The following UHRF1 variants were observed in gnomAD, a reference collection of about 807,000 sequenced individuals.
UHRF1 encodes ubiquitin like with PHD and ring finger domains 1.
UHRF1 carries 9 observed loss-of-function variants against 96.5 expected under a neutral mutation model. The observed-to-expected ratio is 0.09, with a 90% CI of 0.06 to 0.16. The LOEUF (loss-of-function observed/expected upper bound fraction) is 0.16. Among genes scored for constraint, UHRF1 ranks in the 10% least tolerant of loss-of-function variants. The pLI, the probability that UHRF1 is intolerant of heterozygous loss-of-function variation, is 1.00. For synonymous variants in UHRF1, 455 were observed against 469.9 expected, an observed-to-expected ratio of 0.97 and a Z score of 0.41; for missense variants, 626 against 1,131.1, an observed-to-expected ratio of 0.55 and a Z score of 6.40.
intron 16 of UHRF1, among the ~76,000 whole-genome samples, chr19:4,959,457 GC>G (rs1262019583): frequency 3.9e-5 from 6 of 152,206 alleles, no homozygotes; most frequent in African/African-American, 1.4e-4. Flanking sequence ...GCAGACATGT[GC>G]CCCCTGCGTA....
chr19:4,933,106 T>A, intron 5 of UHRF1, 150 bp downstream of exon 5: 1 of 850,040 alleles, frequency 1.2e-6, no homozygotes, highest in African/African-American at 1.7e-5. Flanking sequence ...CTGGGGTCTG[T>A]TCCTGCTCAC....
chr19:4,952,903 T>TG (rs1474537332), intron 13 of UHRF1, among the ~76,000 whole-genome samples: 1 of 152,092 alleles, frequency 6.6e-6, no homozygotes, highest in African/African-American at 2.4e-5. Flanking sequence ...GTGAAGTTTC[T>TG]GGGGAAACAG....
intron 16 of UHRF1, among the ~76,000 whole-genome samples, chr19:4,959,964 C>G (rs1406206578): frequency 6.6e-6 from 1 of 152,202 alleles, no homozygotes; most frequent in African/African-American, 2.4e-5. Flanking sequence ...GGGTTCAAGC[C>G]ATTCTCTTGC....
chr19:4,913,737 C>G (rs1271080374), intron 2 of UHRF1, among the ~76,000 whole-genome samples: 1 of 151,206 alleles, frequency 6.6e-6, no homozygotes, highest in Non-Finnish European at 1.5e-5. Flanking sequence ...TGAAAAGATT[C>G]AGTGTTCCTG....
chr19:4,926,560 C>T (rs1448468204), intron 2 of UHRF1, among the ~76,000 whole-genome samples: 1 of 152,002 alleles, frequency 6.6e-6, no homozygotes, highest in Admixed American at 6.6e-5. Context: ...CTTGCTTGAG[C>T]CCCGGAGTTC....
chr19:4,928,602 G>A (rs778055543), intron 2 of UHRF1, among the ~76,000 whole-genome samples: 4 of 152,206 alleles, frequency 2.6e-5, no homozygotes, highest in East Asian at 1.9e-4. Context: ...CGAGATTGGC[G>A]CTGGAGCCTT....
chr19:4,943,194 C>T (rs147225094), intron 7 of UHRF1, among the ~76,000 whole-genome samples: 10 of 152,090 alleles, frequency 6.6e-5, no homozygotes, highest in African/African-American at 1.7e-4. Context: ...GAACTGAGAT[C>T]GCGCCACTGC....
At chr19:4,916,834 C>G (rs568905214) in intron 2 of UHRF1, among the ~76,000 whole-genome samples, 4 of 152,354 alleles carry the variant, frequency 2.6e-5, no homozygotes, top group Non-Finnish European at 4.4e-5. Flanking sequence ...TCCTTCCCCC[C>G]AGGTCCCGTC....
chr19:4,948,120 A>AAAC (rs2033622479), intron 11 of UHRF1, among the ~76,000 whole-genome samples: 1 of 148,494 alleles, frequency 6.7e-6, no homozygotes, highest in African/African-American at 2.5e-5. Context: ...AAAAAAAAAA[A>AAAC]CCCCTCCAAA....
intron 3 of UHRF1, 150 bp downstream of exon 3, chr19:4,929,626 C>A: frequency 8.9e-7 from 1 of 1,122,474 alleles, no homozygotes; most frequent in South Asian, 1.6e-5. Flanking sequence ...CCTGCACGTT[C>A]CTTGAGGGGA....
At chr19:4,957,297 GTTTTTTT>G (rs59654364) in intron 16 of UHRF1, among the ~76,000 whole-genome samples, 1 of 51,034 alleles carries the variant, frequency 2.0e-5, no homozygotes, top group Non-Finnish European at 3.6e-5. Context: ...CCAGCTGATG[GTTTTTTT>G]TTTTTTTTTT....
At chr19:4,948,257 T>C (rs2033625583) in intron 11 of UHRF1, among the ~76,000 whole-genome samples, 1 of 152,144 alleles carries the variant, frequency 6.6e-6, no homozygotes, top group South Asian at 2.1e-4. Context: ...TCAGTGAATT[T>C]TATTTGCAAA....
At chr19:4,951,168 A>T (rs921307064) in intron 13 of UHRF1, among the ~76,000 whole-genome samples, 172 bp downstream of exon 13, 1 of 152,162 alleles carries the variant, frequency 6.6e-6, no homozygotes, top group Non-Finnish European at 1.5e-5. Flanking sequence ...GAGGTGGCTG[A>T]GGCAGGAGAA....
At chr19:4,934,180 C>T (rs1599269279) in intron 5 of UHRF1, among the ~76,000 whole-genome samples, 4 of 151,844 alleles carry the variant, frequency 2.6e-5, no homozygotes, top group East Asian at 3.9e-4. Context: ...CCCGCCACCA[C>T]GTCTGGCTAA....
upstream of UHRF1, among the ~76,000 whole-genome samples, chr19:4,906,140 C>T (rs991506720): frequency 6.6e-6 from 1 of 151,998 alleles, no homozygotes; most frequent in Non-Finnish European, 1.5e-5. Context: ...CCATGCCTGG[C>T]TAATTTATTT....
chr19:4,903,478 G>T (rs1301228570), exon 1 of UHRF1: 3 of 151,974 alleles, frequency 2.0e-5, no homozygotes, highest in Non-Finnish European at 4.4e-5. Context: ...ACCATGCTTT[G>T]CTAATTTTTT....
Position 4,960,951 on chromosome 19 carries a change from T to C in UHRF1, c.*148T>C, listed in dbSNP as rs539195040. On this transcript the variant is annotated 3_prime_UTR_variant, in exon 17 of 17. Transcript: ENST00000650932. ...GGTTTGTCTTCCTTTTTTTTTTTAT[T>C]TTTATTTTTCAAATCTATACATTTT... 1.9e-6 allele frequency: 1 copy of C among 537,916 alleles called. No homozygotes were observed. The highest frequency in any genetic ancestry group is 3.1e-6 in the Non-Finnish European group (1 of 318,754). 33.3% of individuals were successfully genotyped at this position (537,916 alleles called of 1,614,324 possible).
intron 13 of UHRF1, among the ~76,000 whole-genome samples, chr19:4,952,094 TTTTG>T (rs17884382): frequency 1.8e-4 from 28 of 152,190 alleles, no homozygotes; most frequent in African/African-American, 2.4e-4. Context: ...GTAGGATTTT[TTTTG>T]TTTGTTTGTT....
chr19:4,935,290 T>G (rs1380597073), intron 5 of UHRF1, among the ~76,000 whole-genome samples: 1 of 152,132 alleles, frequency 6.6e-6, no homozygotes, highest in African/African-American at 2.4e-5. Context: ...TAAAGGGCAG[T>G]TCCCCTGCAC....
Sources: allele counts gnomAD v4.1 joint callset (sites outside exome capture counted in the v4.1 genomes callset), GRCh38; gene constraint gnomAD v4.1.1; transcripts MANE v1.5; gene names NCBI Gene and HGNC (gene_info 2026-07-23, HGNC 2026-07-21).